Variants in PKHD1L1 observed in about 807,000 individuals in gnomAD.
The protein encoded by PKHD1L1 is PKHD1 like 1, also known as fibrocystin-L.
A neutral mutation model predicts 462.9 loss-of-function variants in PKHD1L1; 434 were observed. The ratio of observed to expected loss-of-function variants is 0.94; its 90% CI spans 0.87 to 1.02. PKHD1L1 has a LOEUF of 1.02. PKHD1L1 is among the 50% of genes least tolerant of loss of function. The pLI is 0.00. For missense variants in PKHD1L1, 5,202 were observed against 5,096.1 expected (o/e 1.02, Z -0.63); for synonymous variants, 1,781 against 1,750.0 (o/e 1.02, Z -0.44).
intron 25 of PKHD1L1, among the ~76,000 whole-genome samples, chr8:109,428,076 G>A (rs1814873148): frequency 2.0e-5 from 3 of 148,780 alleles, no homozygotes; most frequent in African/African-American, 2.5e-5. Context: ...TGATGAGAGT[G>A]CAAGGAAATA....
chr8:109,437,475 T>C (rs1815490555), intron 30 of PKHD1L1, among the ~76,000 whole-genome samples: 1 of 148,718 alleles, frequency 6.7e-6, no homozygotes, highest in Non-Finnish European at 1.5e-5. Flanking sequence ...GTATATCTCC[T>C]AATGCTATCC....
chr8:109,464,205 G>C lies in PKHD1L1; in HGVS notation c.7384-11G>C. The C allele has an allele frequency of 1.3e-6, 2 of 1,554,662 alleles. No homozygotes were observed. The highest frequency in any genetic ancestry group is 2.4e-5 in the South Asian group (2 of 81,906). Reference sequence around the variant, plus strand: ...CTATTACTAAATAACTGTGATTTCTGGGCTTAACAGGTATTCCATGCTGGC... The same window carrying C: ...CTATTACTAAATAACTGTGATTTCTCGGCTTAACAGGTATTCCATGCTGGC... On this transcript the variant is annotated splice_polypyrimidine_tract_variant and intron_variant, in intron 48 of 77. Transcript: ENST00000378402.
intron 61 of PKHD1L1, among the ~76,000 whole-genome samples, chr8:109,491,648 T>C (rs1315379323): frequency 1.3e-5 from 2 of 151,918 alleles, no homozygotes; most frequent in East Asian, 1.9e-4. Flanking sequence ...CCCACATATT[T>C]AACAAGCATC....
At chr8:109,495,194 A>G (rs1819026002) in intron 63 of PKHD1L1, among the ~76,000 whole-genome samples, 1 of 152,046 alleles carries the variant, frequency 6.6e-6, no homozygotes. Flanking sequence ...AACATATTTA[A>G]GTGATTCCTT....
At chr8:109,420,478 AC>A in intron 22 of PKHD1L1, 39 bp from the exon 23 acceptor site, 1 of 1,334,706 alleles carries the variant, frequency 7.5e-7, no homozygotes, top group Non-Finnish European at 9.9e-7. Flanking sequence ...AACCACAGTT[AC>A]TTTTACACCA....
In PKHD1L1 at chr8:109,487,723, C is replaced by A. The variant is rs1404621096; in HGVS notation, c.9880+902C>A. 2.6e-5 allele frequency among the ~76,000 whole-genome samples: 4 copies of A among 151,512 alleles called. No individual in the cohort carries two copies. The East Asian group carries it at 7.8e-4, about 29-fold the overall frequency. On this transcript the variant is annotated intron_variant, in intron 59 of 77. Transcript: ENST00000378402. Reference sequence around the variant, plus strand: ...AGAGATTTCAGGCTCAATTTTTAGTCAAGAATTATGCCAGACAGGGTGTCT... The same window carrying A: ...AGAGATTTCAGGCTCAATTTTTAGTAAAGAATTATGCCAGACAGGGTGTCT...
In PKHD1L1 at chr8:109,430,201, T is replaced by C. The variant is rs558834943; in HGVS notation, c.3229+164T>C. Among the ~76,000 whole-genome samples, 4 of 152,258 alleles carry C rather than the reference T, an allele frequency of 2.6e-5. No individual in the cohort carries two copies. The East Asian group carries it at 7.7e-4, about 29-fold the overall frequency. ...AAAACCCTATCAGAGAAAAAAACTA[T>C]GGAAAGGGCACTAATTATTTATTTT... On this transcript the variant is annotated intron_variant, in intron 27 of 77. Coordinates refer to ENST00000378402, the MANE Select transcript of PKHD1L1 (RefSeq NM_177531.6).
intron 14 of PKHD1L1, among the ~76,000 whole-genome samples, chr8:109,402,959 A>G (rs954052593): frequency 6.6e-6 from 1 of 151,858 alleles, no homozygotes; most frequent in African/African-American, 2.4e-5. Context: ...ATTTTCTTCT[A>G]TAACCATGAA....
rs188649530 is a variant in PKHD1L1, at chr8:109,398,464, C to T, written c.928C>T (p.Pro310Ser). The change falls in exon 12 of 78, where the codon CCT (proline) becomes TCT (serine). Residue 310 changes from proline to serine, a missense_variant. Transcript: ENST00000378402. The part of the protein sequence containing the change: ...FPVRVLVGGE[P>S]CDILNVTENS... Reference sequence around the variant, plus strand: ...TGTATCTTGCTTCTCTATAGGTGAACCTTGTGATATTTTGAATGTCACAGA... The same window carrying T: ...TGTATCTTGCTTCTCTATAGGTGAATCTTGTGATATTTTGAATGTCACAGA... The T allele has an allele frequency of 9.1e-6, 14 of 1,545,928 alleles. 1 individual carries two copies. The highest frequency in any genetic ancestry group is 7.6e-5 in the Admixed American group (4 of 52,508).
chr8:109,536,869 G>A lies in PKHD1L1; in HGVS notation c.*6779G>A, dbSNP rs949936418. On this transcript the variant is annotated 3_prime_UTR_variant, in exon 78 of 78. Coordinates refer to ENST00000378402, the MANE Select transcript of PKHD1L1 (RefSeq NM_177531.6). ...AAGTTAATTTTCATTTAATAGAAAA[G>A]AAATAAAAAATCTGCTTCAGACTGT... Among the ~76,000 whole-genome samples the A allele has an allele frequency of 2.0e-5, 3 of 151,996 alleles. No homozygotes were observed. The highest frequency in any genetic ancestry group is 7.2e-5 in the African/African-American group (3 of 41,418).
Position 109,498,507 on chromosome 8 carries a change from G to C in PKHD1L1, c.10645G>C (p.Val3549Leu), listed in dbSNP as rs375850926. Residue 3549 changes from valine to leucine, a missense_variant, in exon 66 of 78, where the codon GTC (valine) becomes CTC (leucine). Coordinates refer to ENST00000378402, the MANE Select transcript of PKHD1L1 (RefSeq NM_177531.6). ...TAGCCCTGGGTTTAATTGCTCTGAT[G>C]TCCTAACTAATGATGATCCTAATAT... is the stretch of plus-strand genomic sequence containing the variant. ...GSSPGFNCSD[V>L]LTNDDPNIEL... is the part of the protein sequence containing the mutation. 3 of 1,613,700 alleles carry C rather than the reference G, an allele frequency of 1.9e-6. No homozygotes were observed. The South Asian group carries it at 3.3e-5, about 18-fold the overall frequency.
chr8:109,527,270 G>A (rs1226483798), intron 77 of PKHD1L1, among the ~76,000 whole-genome samples: 3 of 152,180 alleles, frequency 2.0e-5, no homozygotes, highest in Non-Finnish European at 2.9e-5. Flanking sequence ...GGGCGGCTGA[G>A]GCAGGTGGAT....
chr8:109,500,975 G>A (rs1312381867), intron 67 of PKHD1L1, among the ~76,000 whole-genome samples: 1 of 152,036 alleles, frequency 6.6e-6, no homozygotes, highest in Non-Finnish European at 1.5e-5. Flanking sequence ...TCTCATCTGG[G>A]AACTATGACC....
intron 2 of PKHD1L1, among the ~76,000 whole-genome samples, chr8:109,377,343 G>T (rs967660193): frequency 6.6e-6 from 1 of 151,926 alleles, no homozygotes; most frequent in Non-Finnish European, 1.5e-5. Flanking sequence ...CTACATCTCT[G>T]GGTTTACCTT....
Position 109,449,318 on chromosome 8 carries a change from T to C in PKHD1L1, c.6026-20T>C. On this transcript the variant is annotated intron_variant, in intron 39 of 77. Transcript: ENST00000378402. ...TTATTTTAATTAGCTTTGTTTTTCC[T>C]TTTTATTTGTCTTCACTAGGGAGCT... The C allele has an allele frequency of 9.1e-6, 14 of 1,544,492 alleles. No homozygotes were observed. Among genetic ancestry groups the C allele is most frequent in the Non-Finnish European group, 1.2e-5 (14 of 1,144,948 alleles).
chr8:109,362,728 G>T (rs1225015026), intron 1 of PKHD1L1, 75 bp downstream of exon 1: 29 of 1,477,078 alleles, frequency 2.0e-5, no homozygotes, highest in Non-Finnish European at 2.7e-5. Context: ...CGGGGTCCTG[G>T]GAGAGGCAGG....
At chr8:109,390,412 C>T (rs1812656688) in intron 8 of PKHD1L1, 40 bp from the exon 9 acceptor site, 1 of 1,201,842 alleles carries the variant, frequency 8.3e-7, no homozygotes, top group Admixed American at 3.0e-5. Flanking sequence ...TCTTCTGTGA[C>T]TGGGAATTTA....
At chr8:109,405,854 A>G (rs1296263767) in intron 16 of PKHD1L1, among the ~76,000 whole-genome samples, 1 of 152,206 alleles carries the variant, frequency 6.6e-6, no homozygotes, top group African/African-American at 2.4e-5. Flanking sequence ...AGAACTTACA[A>G]TAAAAATAAA....
At chr8:109,459,522 A>ATT in intron 46 of PKHD1L1, 73 bp from the exon 47 acceptor site, 11 of 1,238,778 alleles carry the variant, frequency 8.9e-6, no homozygotes, top group Non-Finnish European at 1.1e-5. Context: ...AAATGAATAA[A>ATT]ACAAATATAC....
Sources: gnomAD v4.1 joint callset for allele counts (sites outside exome capture counted in the v4.1 genomes callset) on GRCh38, gnomAD v4.1.1 for gene constraint, MANE v1.5 for transcripts, NCBI Gene and HGNC (gene_info 2026-07-23, HGNC 2026-07-21) for gene names.